The following KCNAB1 variants were observed in gnomAD, a reference collection of about 807,000 sequenced individuals.
KCNAB1 encodes potassium voltage-gated channel subfamily A regulatory beta subunit 1.
In KCNAB1, 35 loss-of-function variants were observed where a neutral mutation model predicts 64.6. The observed-to-expected ratio is 0.54, with a 90% CI of 0.41 to 0.72. KCNAB1 has a LOEUF of 0.72. Ranked by LOEUF, KCNAB1 falls within the 30% of genes least tolerant of loss-of-function variation. KCNAB1 has a pLI of 0.00. For synonymous variants in KCNAB1, 177 were observed against 183.8 expected, an observed-to-expected ratio of 0.96 and a Z score of 0.30; for missense variants, 401 against 512.9, an observed-to-expected ratio of 0.78 and a Z score of 2.11.
chr3:156,177,383 CTTTA>C (rs1712453619), intron 1 of KCNAB1, among the ~76,000 whole-genome samples: 1 of 151,962 alleles, frequency 6.6e-6, no homozygotes, highest in Non-Finnish European at 1.5e-5. Context: ...TTCTTTATTT[CTTTA>C]TTTATTTGAG....
At chr3:156,309,264 C>G (rs1416374453) in intron 1 of KCNAB1, among the ~76,000 whole-genome samples, 1 of 152,172 alleles carries the variant, frequency 6.6e-6, no homozygotes, top group African/African-American at 2.4e-5. Flanking sequence ...TCTGACTTGT[C>G]TGAGTTTTTG....
chr3:156,212,651 G>A (rs1715083291), intron 1 of KCNAB1, among the ~76,000 whole-genome samples: 1 of 152,186 alleles, frequency 6.6e-6, no homozygotes, highest in South Asian at 2.1e-4. Flanking sequence ...GCAGAGGTCT[G>A]ACCTAAGCAG....
intron 7 of KCNAB1, among the ~76,000 whole-genome samples, chr3:156,474,398 C>T (rs1169061560): frequency 6.6e-6 from 1 of 152,122 alleles, no homozygotes; most frequent in East Asian, 1.9e-4. Flanking sequence ...AGAAGAAAAA[C>T]ACTAACTGTT....
chr3:156,127,114 G>T (rs1188092767), intron 1 of KCNAB1, among the ~76,000 whole-genome samples: 1 of 151,572 alleles, frequency 6.6e-6, no homozygotes, highest in Admixed American at 6.6e-5. Context: ...AATCAATTTT[G>T]GTGCTCACCT....
intron 1 of KCNAB1, among the ~76,000 whole-genome samples, chr3:156,312,217 G>T (rs17236137): frequency 0.024 from 3,656 of 152,276 alleles, 57 homozygotes; most frequent in East Asian, 0.048. Context: ...GACAGGTATT[G>T]TGACTATATT....
At chr3:156,438,052 A>G (rs1038677502) in intron 2 of KCNAB1, among the ~76,000 whole-genome samples, 1 of 152,202 alleles carries the variant, frequency 6.6e-6, no homozygotes, top group African/African-American at 2.4e-5. Context: ...CAATCAAACC[A>G]GAATCTATTG....
At chr3:156,138,733 C>T (rs6797619) in intron 1 of KCNAB1, among the ~76,000 whole-genome samples, 151,518 of 152,326 alleles carry the variant, frequency 0.99, 75,359 homozygotes, top group East Asian at 1. Flanking sequence ...CAGATGTAGA[C>T]TAGAAGAATC....
chr3:156,127,463 G>A (rs1008114645), intron 1 of KCNAB1, among the ~76,000 whole-genome samples: 5 of 152,194 alleles, frequency 3.3e-5, no homozygotes, highest in African/African-American at 1.2e-4. Context: ...TGTGATTTTA[G>A]TTATATGCTA....
intron 1 of KCNAB1, among the ~76,000 whole-genome samples, chr3:156,253,554 T>C (rs540382694): frequency 6.6e-6 from 1 of 152,348 alleles, no homozygotes; most frequent in East Asian, 1.9e-4. Context: ...AAGATTCTGA[T>C]GGTTGCCATT....
chr3:156,129,926 C>T (rs1713893002), intron 1 of KCNAB1, among the ~76,000 whole-genome samples: 1 of 152,198 alleles, frequency 6.6e-6, no homozygotes, highest in Non-Finnish European at 1.5e-5. Flanking sequence ...TTCTGATTAA[C>T]ATGGACCAAA....
chr3:156,490,196 A>G (rs1298464843), intron 8 of KCNAB1, among the ~76,000 whole-genome samples: 1 of 152,086 alleles, frequency 6.6e-6, no homozygotes, highest in African/African-American at 2.4e-5. Context: ...CCCATGCAGA[A>G]GACAGAGTAT....
intron 1 of KCNAB1, among the ~76,000 whole-genome samples, chr3:156,331,962 T>G (rs1576735561): frequency 6.6e-6 from 1 of 152,188 alleles, no homozygotes. Flanking sequence ...AAATTCTCCC[T>G]GCTCTTGTCA....
intron 1 of KCNAB1, among the ~76,000 whole-genome samples, chr3:156,305,693 T>C (rs1014714121): frequency 3.9e-5 from 6 of 152,182 alleles, no homozygotes; most frequent in Non-Finnish European, 8.8e-5. Flanking sequence ...GAAAAGAATT[T>C]AAGGTGGCTC....
intron 2 of KCNAB1, among the ~76,000 whole-genome samples, chr3:156,447,296 T>G (rs1418684899): frequency 1.3e-5 from 2 of 152,210 alleles, no homozygotes; most frequent in Admixed American, 1.3e-4. Flanking sequence ...AAATTAACAT[T>G]TATAAACACT....
rs34741042 is a variant in KCNAB1 at position 156,269,913 on chromosome 3, C to CT, written c.275+149047dup. Among the ~76,000 whole-genome samples, 1,128 of 114,464 alleles carry CT rather than the reference C, an allele frequency of 9.9e-3. 13 individuals are homozygous for CT. Among genetic ancestry groups the CT allele is most frequent in the East Asian group, 0.015 (59 of 4,032 alleles). 75.1% of individuals were successfully genotyped at this position (114,464 alleles called of 152,430 possible). A position where few individuals can be genotyped will look rare whatever the true frequency, so the allele number is the denominator to read the frequency against. The stretch of plus-strand genomic sequence containing the variant: ...GCAGGCAACAGATGACCGGGGCTTG[C>CT]TTTTTTTTTTTTTTTTTTTTGAGAC... On this transcript the variant is annotated intron_variant, in intron 1 of 13. Coordinates refer to ENST00000490337, the MANE Select transcript of KCNAB1 (RefSeq NM_172160.3).
intron 2 of KCNAB1, among the ~76,000 whole-genome samples, chr3:156,435,801 C>G (rs1220603774): frequency 6.6e-6 from 1 of 152,074 alleles, no homozygotes; most frequent in Admixed American, 6.5e-5. Context: ...ATACCTTCAC[C>G]CAGGTTCTGT....
At chr3:156,466,859 CTATA>C (rs1329650157) in intron 7 of KCNAB1, among the ~76,000 whole-genome samples, 2 of 151,934 alleles carry the variant, frequency 1.3e-5, no homozygotes, top group Non-Finnish European at 2.9e-5. Flanking sequence ...TCTTGCTTGT[CTATA>C]TATTATCAAA....
intron 1 of KCNAB1, among the ~76,000 whole-genome samples, chr3:156,230,303 A>G (rs1410928278): frequency 6.6e-6 from 1 of 152,140 alleles, no homozygotes; most frequent in Non-Finnish European, 1.5e-5. Flanking sequence ...AATACTTACC[A>G]TTGTGTTACA....
intron 1 of KCNAB1, among the ~76,000 whole-genome samples, chr3:156,169,732 C>A (rs1199519530): frequency 6.6e-6 from 1 of 152,178 alleles, no homozygotes; most frequent in Non-Finnish European, 1.5e-5. Flanking sequence ...GTGCTTCCCC[C>A]ACTTGCGCTC....
Sources: allele counts gnomAD v4.1 joint callset (sites outside exome capture counted in the v4.1 genomes callset), GRCh38; gene constraint gnomAD v4.1.1; transcripts MANE v1.5; gene names NCBI Gene and HGNC (gene_info 2026-07-23, HGNC 2026-07-21).